The following SCFD2 variants were observed in gnomAD, a reference collection of about 807,000 sequenced individuals.
The protein encoded by SCFD2 is sec1 family domain-containing protein 2.
Under a neutral mutation model 58.9 loss-of-function variants are expected in SCFD2, and 54 were observed. That is an observed-to-expected ratio of 0.92 (90% CI 0.74 to 1.15). The LOEUF (loss-of-function observed/expected upper bound fraction) is 1.15, where lower values mean the gene tolerates loss of function less well. Among genes scored for constraint, SCFD2 ranks in the 50% most tolerant of loss-of-function variants. SCFD2 has a pLI of 0.00. For synonymous variants in SCFD2, 321 were observed against 335.9 expected (o/e 0.96, Z 0.49); for missense variants, 805 against 836.6 (o/e 0.96, Z 0.47).
intron 5 of SCFD2, among the ~76,000 whole-genome samples, chr4:52,975,776 A>T (rs301112): frequency 0.14 from 20,795 of 152,112 alleles, 1,553 homozygotes; most frequent in East Asian, 0.28. Flanking sequence ...ACCAACTCAA[A>T]TGTCCAACAA....
chr4:52,907,389 C>A, intron 7 of SCFD2, 68 bp downstream of exon 7: 1 of 1,515,586 alleles, frequency 6.6e-7, no homozygotes, highest in Non-Finnish European at 9.1e-7. Flanking sequence ...TAACAGGGTG[C>A]CAGCATTTTC....
At chr4:53,098,985 G>A (rs906711015) in intron 5 of SCFD2, among the ~76,000 whole-genome samples, 5 of 152,056 alleles carry the variant, frequency 3.3e-5, no homozygotes, top group African/African-American at 1.2e-4. Context: ...TTTATTGGCT[G>A]TCTCCTCCAG....
chr4:53,091,755 C>T (rs962419387), intron 5 of SCFD2, among the ~76,000 whole-genome samples: 3 of 152,034 alleles, frequency 2.0e-5, no homozygotes, highest in Non-Finnish European at 4.4e-5. Context: ...AGGAGAGATG[C>T]ACTCTGAAAA....
chr4:52,930,881 A>G (rs573281866), intron 5 of SCFD2, among the ~76,000 whole-genome samples: 1 of 152,366 alleles, frequency 6.6e-6, no homozygotes, highest in African/African-American at 2.4e-5. Flanking sequence ...AAAGGTAGGC[A>G]TCAGATTTTT....
intron 5 of SCFD2, among the ~76,000 whole-genome samples, chr4:53,026,781 G>A (rs1052278193): frequency 6.6e-6 from 1 of 151,924 alleles, no homozygotes; most frequent in Non-Finnish European, 1.5e-5. Flanking sequence ...TACAGTGCAG[G>A]GCAAGCAGAA....
chr4:52,984,123 C>T (rs1721436776), intron 5 of SCFD2, among the ~76,000 whole-genome samples: 1 of 152,338 alleles, frequency 6.6e-6, no homozygotes, highest in African/African-American at 2.4e-5. Context: ...CTCAAGCCTA[C>T]TCATTGCCCC....
At chr4:52,984,082 G>A (rs372717411) in intron 5 of SCFD2, among the ~76,000 whole-genome samples, 13 of 152,208 alleles carry the variant, frequency 8.5e-5, no homozygotes, top group African/African-American at 2.7e-4. Flanking sequence ...GAAGGAGAAT[G>A]TAAGAGAATG....
intron 5 of SCFD2, among the ~76,000 whole-genome samples, chr4:53,046,361 G>A (rs375223333): frequency 8.0e-4 from 122 of 152,000 alleles, no homozygotes; most frequent in African/African-American, 2.9e-3. Context: ...CTACAGGTGC[G>A]TGCCACCACA....
At chr4:53,223,564 A>G (rs1729111160) in intron 4 of SCFD2, among the ~76,000 whole-genome samples, 1 of 152,234 alleles carries the variant, frequency 6.6e-6, no homozygotes. Flanking sequence ...ATTGTCTTGC[A>G]TGTCTTTCCC....
intron 2 of SCFD2, among the ~76,000 whole-genome samples, chr4:53,321,959 G>A (rs1733038333): frequency 6.6e-6 from 1 of 152,194 alleles, no homozygotes; most frequent in Admixed American, 6.5e-5. Context: ...CATGGAGCTA[G>A]CCATCTAGCA....
chr4:53,013,419 TCTC>T (rs1722141789), intron 5 of SCFD2, among the ~76,000 whole-genome samples: 1 of 152,238 alleles, frequency 6.6e-6, no homozygotes, highest in East Asian at 1.9e-4. Context: ...TGCAGACAAT[TCTC>T]CCTTTCCTTC....
Position 52,881,478 on chromosome 4 carries a change from T to C in SCFD2, c.1962+4269A>G, listed in dbSNP as rs1560468506. 5.9e-5 allele frequency among the ~76,000 whole-genome samples: 9 copies of C among 152,220 alleles called. No individual in the cohort carries two copies. The South Asian group carries it at 1.7e-3, about 28-fold the overall frequency. ...CAGTAGAATGGAAGTTCCATAAAAGTAGGAATGTCTCTAGCTTGGTCACTG... is the reference window on the plus strand; with the variant it reads ...CAGTAGAATGGAAGTTCCATAAAAGCAGGAATGTCTCTAGCTTGGTCACTG... On this transcript the variant is annotated intron_variant, in intron 8 of 8. Transcript: ENST00000401642.
chr4:53,209,236 C>T (rs561898923), intron 4 of SCFD2, among the ~76,000 whole-genome samples: 1 of 152,226 alleles, frequency 6.6e-6, no homozygotes, highest in South Asian at 2.1e-4. Flanking sequence ...AATCCAAAAC[C>T]TTAGTGCTTA....
At chr4:53,022,219 A>G (rs1178392865) in intron 5 of SCFD2, among the ~76,000 whole-genome samples, 1 of 152,200 alleles carries the variant, frequency 6.6e-6, no homozygotes, top group Non-Finnish European at 1.5e-5. Context: ...AGGAACAAAC[A>G]TGGAAAAATG....
chr4:53,165,181 T>A (rs1038824238), intron 4 of SCFD2, among the ~76,000 whole-genome samples: 2 of 152,204 alleles, frequency 1.3e-5, no homozygotes, highest in Admixed American at 6.5e-5. Flanking sequence ...AGGATGAAGA[T>A]ACTTGGAGGA....
At chr4:53,062,775 T>A (rs1358853204) in intron 5 of SCFD2, among the ~76,000 whole-genome samples, 1 of 152,140 alleles carries the variant, frequency 6.6e-6, no homozygotes, top group Non-Finnish European at 1.5e-5. Flanking sequence ...GGCTGAACAG[T>A]GACACACAAA....
rs116754318 is a variant in SCFD2 at position 53,320,906 on chromosome 4, A to C, written c.1008-7143T>G. 5.7e-3 allele frequency among the ~76,000 whole-genome samples: 862 copies of C among 152,314 alleles called. 8 individuals carry two copies. The highest frequency in any genetic ancestry group is 0.019 in the African/African-American group (777 of 41,574). On this transcript the variant is annotated intron_variant, in intron 2 of 8. Coordinates refer to ENST00000401642, the MANE Select transcript of SCFD2 (RefSeq NM_152540.4). ...GTTTCAAAAGACATAAACTGAATTCATTGTAGCTACCAGAATACAATTTAA... is the reference window on the plus strand; with the variant it reads ...GTTTCAAAAGACATAAACTGAATTCCTTGTAGCTACCAGAATACAATTTAA...
chr4:53,196,967 C>A (rs1194947529), intron 4 of SCFD2, among the ~76,000 whole-genome samples: 2 of 152,078 alleles, frequency 1.3e-5, no homozygotes, highest in African/African-American at 4.8e-5. Context: ...CAAAGCCACA[C>A]GGAAGATAGA....
At chr4:53,338,062 G>A (rs1733736810) in intron 2 of SCFD2, among the ~76,000 whole-genome samples, 1 of 152,194 alleles carries the variant, frequency 6.6e-6, no homozygotes, top group African/African-American at 2.4e-5. Context: ...TCAGCCCCAA[G>A]AATCTAGAAG....
Sources: allele counts gnomAD v4.1 joint callset (sites outside exome capture counted in the v4.1 genomes callset), GRCh38; gene constraint gnomAD v4.1.1; transcripts MANE v1.5; gene names NCBI Gene and HGNC (gene_info 2026-07-23, HGNC 2026-07-21).